Variants in P2RY6 observed in about 807,000 individuals in gnomAD.
P2RY6 encodes pyrimidinergic receptor P2Y6.
In P2RY6, 19 loss-of-function variants were observed where a neutral mutation model predicts 16.3. That is an observed-to-expected ratio of 1.16 (90% confidence interval 0.81 to 1.71). P2RY6 has a LOEUF of 1.71. P2RY6 is among the 40% of genes most tolerant of loss of function. The pLI is 0.00. For synonymous variants in P2RY6, 184 were observed against 201.5 expected (o/e 0.91, Z 0.74); for missense variants, 389 against 455.5 (o/e 0.85, Z 1.33).
chr11:73,296,710 C>A lies in P2RY6; in HGVS notation c.192C>A (p.Tyr64Ter), dbSNP rs764075827. 2 of 1,613,976 alleles carry A rather than the reference C, an allele frequency of 1.2e-6. No homozygotes were observed. Among genetic ancestry groups the A allele is most frequent in the African/African-American group, 2.7e-5 (2 of 74,942 alleles). Residue 64 changes from tyrosine (Y) to a stop codon, truncating the protein, a stop_gained, in exon 3 of 3, where the codon TAC becomes TAA. Transcript: ENST00000540124. LOFTEE classifies it high-confidence loss of function. ...SRRALTRTAV[Y>*]TLNLALADLL... ...GGGCCCTGACCCGCACGGCCGTGTACACCCTAAACCTTGCTCTGGCTGACC... is the reference window on the plus strand; with the variant it reads ...GGGCCCTGACCCGCACGGCCGTGTAAACCCTAAACCTTGCTCTGGCTGACC...
At chr11:73,290,220 C>CA (rs1485710644) in intron 1 of P2RY6, among the ~76,000 whole-genome samples, 3 of 137,574 alleles carry the variant, frequency 2.2e-5, no homozygotes, top group East Asian at 2.1e-4. Flanking sequence ...GAAACTCCGT[C>CA]AAAAAAAGAA....
intron 1 of P2RY6, among the ~76,000 whole-genome samples, chr11:73,275,204 A>T (rs1429166864): frequency 2.0e-5 from 3 of 152,162 alleles, no homozygotes; most frequent in Admixed American, 6.5e-5. Flanking sequence ...GAGCTCCAGG[A>T]AGACGAACTC....
At chr11:73,286,897 G>A (rs962012204) in intron 1 of P2RY6, among the ~76,000 whole-genome samples, 1 of 152,194 alleles carries the variant, frequency 6.6e-6, no homozygotes, top group Non-Finnish European at 1.5e-5. Flanking sequence ...CTTTGGGCAA[G>A]TTCCTAACCT....
intron 1 of P2RY6, among the ~76,000 whole-genome samples, chr11:73,288,034 C>G (rs1864038073): frequency 6.6e-6 from 1 of 152,220 alleles, no homozygotes; most frequent in African/African-American, 2.4e-5. Flanking sequence ...GGTCTCTAAC[C>G]CTCTTCATTC....
intron 1 of P2RY6, among the ~76,000 whole-genome samples, chr11:73,294,162 C>T (rs1349066797): frequency 6.6e-6 from 1 of 152,146 alleles, no homozygotes; most frequent in South Asian, 2.1e-4. Flanking sequence ...CCTCCTCACC[C>T]GGAGTGTCCT....
chr11:73,284,591 T>G (rs1390900526), intron 1 of P2RY6, among the ~76,000 whole-genome samples: 1 of 152,198 alleles, frequency 6.6e-6, no homozygotes, highest in Non-Finnish European at 1.5e-5. Context: ...TTAAAGGCCT[T>G]TGGTGCTCAC....
chr11:73,291,563 C>T (rs1864247655), intron 1 of P2RY6, among the ~76,000 whole-genome samples: 1 of 152,224 alleles, frequency 6.6e-6, no homozygotes, highest in Non-Finnish European at 1.5e-5. Flanking sequence ...GCACAACTGA[C>T]CAAGTGTTTA....
chr11:73,281,339 C>T (rs1014714313), intron 1 of P2RY6, among the ~76,000 whole-genome samples: 1 of 152,212 alleles, frequency 6.6e-6, no homozygotes, highest in Admixed American at 6.5e-5. Flanking sequence ...TGGGCTTCAC[C>T]ACCCAAGCCC....
intron 1 of P2RY6, among the ~76,000 whole-genome samples, chr11:73,282,951 G>A (rs1309569578): frequency 1.3e-5 from 2 of 152,270 alleles, no homozygotes; most frequent in South Asian, 2.1e-4. Context: ...GTGATGCTGT[G>A]ACTGTTGACA....
upstream of P2RY6, chr11:73,270,140 A>G (rs114213490): frequency 6.6e-6 from 1 of 152,094 alleles, no homozygotes; most frequent in Non-Finnish European, 1.5e-5. Flanking sequence ...CTCATTCTTC[A>G]TGACACTCCT....
rs138040472 is a variant in P2RY6, at chr11:73,284,434, G to A, written c.-120-11296G>A. 3.0e-3 allele frequency among the ~76,000 whole-genome samples: 449 copies of A among 152,156 alleles called. 3 individuals are homozygous for A. Among genetic ancestry groups the A allele is most frequent in the African/African-American group, 0.01 (433 of 41,506 alleles). ...AGTGATCCTGTGCAGGGAGGTGAGA[G>A]TACCAGAGAAAACCTCAGGCAGGGC... is the stretch of plus-strand genomic sequence containing the variant. On this transcript the variant is annotated intron_variant, in intron 1 of 2. Transcript: ENST00000540124.
intron 1 of P2RY6, among the ~76,000 whole-genome samples, chr11:73,285,025 G>A (rs941585645): frequency 1.3e-5 from 2 of 152,222 alleles, no homozygotes; most frequent in African/African-American, 4.8e-5. Flanking sequence ...GGTAGGAGAA[G>A]GTCCCATGGA....
Position 73,297,337 on chromosome 11 carries a change from C to A in P2RY6, c.819C>A (p.Cys273Ter), listed in dbSNP as rs761394326. The change falls in exon 3 of 3, where the codon TGC (cysteine) becomes TGA (stop). Residue 273 changes from cysteine (C) to a stop codon, truncating the protein, a stop_gained. Coordinates refer to ENST00000540124, the MANE Select transcript of P2RY6 (RefSeq NM_001277204.2). LOFTEE classifies it high-confidence loss of function. The stretch of plus-strand genomic sequence containing the variant: ...TGCGCTCGACGCCGGGCGTCCCCTG[C>A]ACTGTATTGGAGGCCTTTGCAGCGG... Reference protein sequence around the residue: ...LAVRSTPGVPCTVLEAFAAAY... With the variant: ...LAVRSTPGVP The A allele has an allele frequency of 7.4e-6, 12 of 1,612,172 alleles. No homozygotes were observed. The highest frequency in any genetic ancestry group is 1.3e-5 in the African/African-American group (1 of 74,962).
chr11:73,273,001 T>C (rs1863379917), intron 1 of P2RY6, among the ~76,000 whole-genome samples: 2 of 151,464 alleles, frequency 1.3e-5, no homozygotes, highest in Admixed American at 6.6e-5. Flanking sequence ...CAAATAATTG[T>C]CCACAGAGGA....
In P2RY6 at chr11:73,266,139, A is replaced by G. The variant is rs1565157471; in HGVS notation, c.-281+1490A>G. ...AATAAGCTGTGTGGGTAGGAATCAGAGAGTCCCTATTTGAGTATCTCTGAG... is the reference window on the plus strand; with the variant it reads ...AATAAGCTGTGTGGGTAGGAATCAGGGAGTCCCTATTTGAGTATCTCTGAG... On this transcript the variant is annotated intron_variant, in intron 1 of 3. Transcript: ENST00000349767. 2.0e-5 allele frequency among the ~76,000 whole-genome samples: 3 copies of G among 152,314 alleles called. No homozygotes were observed. The South Asian group carries it at 6.2e-4, about 32-fold the overall frequency.
At chr11:73,284,465 G>A (rs1030046722) in intron 1 of P2RY6, among the ~76,000 whole-genome samples, 16 of 152,106 alleles carry the variant, frequency 1.1e-4, no homozygotes, top group African/African-American at 3.9e-4. Flanking sequence ...AGGGCAGGAG[G>A]GAGATGCAGG....
chr11:73,274,530 G>A (rs1420459047), intron 1 of P2RY6, among the ~76,000 whole-genome samples: 5 of 140,502 alleles, frequency 3.6e-5, no homozygotes, highest in African/African-American at 5.6e-5. Context: ...TGACAAGAGC[G>A]AGACTGTCTC....
chr11:73,296,729 G>T lies in P2RY6; in HGVS notation c.211G>T (p.Ala71Ser). Residue 71 changes from alanine (A) to serine (S), a missense_variant, in exon 3 of 3, where the codon GCT becomes TCT. Transcript: ENST00000540124. Reference sequence around the variant, plus strand: ...CGTGTACACCCTAAACCTTGCTCTGGCTGACCTGCTATATGCCTGCTCCCT... The same window carrying T: ...CGTGTACACCCTAAACCTTGCTCTGTCTGACCTGCTATATGCCTGCTCCCT... ...TAVYTLNLALADLLYACSLPL... is the reference protein window; with the variant it reads ...TAVYTLNLALSDLLYACSLPL... 6.2e-7 allele frequency: 1 copy of T among 1,613,812 alleles called. No homozygotes were observed. Among genetic ancestry groups the T allele is most frequent in the Non-Finnish European group, 8.5e-7 (1 of 1,180,032 alleles).
chr11:73,274,933 C>T (rs1198783926), intron 1 of P2RY6, among the ~76,000 whole-genome samples: 1 of 152,276 alleles, frequency 6.6e-6, no homozygotes, highest in Non-Finnish European at 1.5e-5. Flanking sequence ...GGCTCTGGCT[C>T]TCCCTCTGTG....
Sources: allele counts gnomAD v4.1 joint callset (sites outside exome capture counted in the v4.1 genomes callset), GRCh38; gene constraint gnomAD v4.1.1; transcripts MANE v1.5; gene names NCBI Gene and HGNC (gene_info 2026-07-23, HGNC 2026-07-21).